MYO1D: variants seen among roughly 807,000 people sequenced by gnomAD.
MYO1D encodes the protein unconventional myosin-Id.
A neutral mutation model predicts 122.0 loss-of-function variants in MYO1D; 83 were observed. The observed-to-expected ratio is 0.68, with a 90% CI of 0.57 to 0.82. MYO1D has a LOEUF of 0.82. MYO1D is among the 40% of genes least tolerant of loss of function. The pLI, the probability that MYO1D is intolerant of heterozygous loss-of-function variation, is 0.00. For synonymous variants in MYO1D, 464 were observed against 446.9 expected, an observed-to-expected ratio of 1.04 and a Z score of -0.48; for missense variants, 1,157 against 1,269.5, an observed-to-expected ratio of 0.91 and a Z score of 1.35.
At chr17:32,677,799 A>G (rs1184314831) in intron 16 of MYO1D, among the ~76,000 whole-genome samples, 3 of 152,100 alleles carry the variant, frequency 2.0e-5, no homozygotes, top group Admixed American at 6.5e-5. Flanking sequence ...GAACACAAGC[A>G]TTAGGCTGCC....
chr17:32,564,837 T>G (rs1178944723), intron 21 of MYO1D, among the ~76,000 whole-genome samples: 1 of 152,196 alleles, frequency 6.6e-6, no homozygotes, highest in South Asian at 2.1e-4. Flanking sequence ...CCATCAGGCC[T>G]GTCTGCATTT....
intron 1 of MYO1D, among the ~76,000 whole-genome samples, chr17:32,812,894 A>G (rs2090584180): frequency 6.6e-6 from 1 of 152,240 alleles, no homozygotes; most frequent in African/African-American, 2.4e-5. Flanking sequence ...TGTATAGGCC[A>G]TTTAATTCTC....
intron 1 of MYO1D, chr17:32,830,238 G>A (rs1567662678): frequency 6.6e-6 from 1 of 152,212 alleles, no homozygotes; most frequent in Non-Finnish European, 1.5e-5. Flanking sequence ...GTCAAGTGCA[G>A]TAGTGAGAAG....
In MYO1D at chr17:32,760,275, T is replaced by C. The variant is rs1305781040; in HGVS notation, c.1296+15A>G. On this transcript the variant is annotated intron_variant, in intron 10 of 21. Coordinates refer to ENST00000318217, the MANE Select transcript of MYO1D (RefSeq NM_015194.3). ...GAGAAACACATGAAGGCATTTTCCA[T>C]AAGAGTCCACTCACATGTTTCCAGG... The C allele has an allele frequency of 6.3e-7, 1 of 1,575,782 alleles. No homozygotes were observed. Among genetic ancestry groups the C allele is most frequent in the Non-Finnish European group, 8.7e-7 (1 of 1,148,690 alleles).
At chr17:32,801,859 A>G (rs2090463980) in intron 1 of MYO1D, among the ~76,000 whole-genome samples, 1 of 151,898 alleles carries the variant, frequency 6.6e-6, no homozygotes, top group South Asian at 2.1e-4. Context: ...GAAATACAAG[A>G]TGAACCTGGA....
At chr17:32,740,980 C>T (rs2089765528) in intron 13 of MYO1D, among the ~76,000 whole-genome samples, 1 of 152,046 alleles carries the variant, frequency 6.6e-6, no homozygotes, top group Non-Finnish European at 1.5e-5. Flanking sequence ...CACAGACACA[C>T]ACAGACACAG....
intron 21 of MYO1D, among the ~76,000 whole-genome samples, chr17:32,504,113 A>C (rs1405805546): frequency 2.6e-5 from 4 of 152,154 alleles, no homozygotes; most frequent in African/African-American, 9.7e-5. Context: ...CTTGTCATGA[A>C]CCAACTGGGT....
intron 16 of MYO1D, among the ~76,000 whole-genome samples, chr17:32,667,014 G>A (rs926328266): frequency 3.3e-5 from 5 of 152,232 alleles, no homozygotes; most frequent in Admixed American, 6.5e-5. Flanking sequence ...ATTGAGATAA[G>A]TCTACATAAC....
intron 21 of MYO1D, among the ~76,000 whole-genome samples, chr17:32,503,632 C>T (rs916117226): frequency 4.6e-5 from 7 of 152,110 alleles, no homozygotes; most frequent in African/African-American, 1.4e-4. Flanking sequence ...CAGCCTTGCA[C>T]CAAGCAGAGA....
rs868735840 is a variant in MYO1D, at chr17:32,617,883, T to C, written c.2710-12642A>G. ...ATAAACAGACAGTCACTTTCAAAAA[T>C]TTTTTGTTATTATTTTAACACATCA... On this transcript the variant is annotated intron_variant, in intron 20 of 21. Transcript: ENST00000318217. Among the ~76,000 whole-genome samples, 150 of 152,330 alleles carry C rather than the reference T, an allele frequency of 9.8e-4. 2 individuals carry two copies. Among genetic ancestry groups the C allele is most frequent in the African/African-American group, 3.1e-3 (128 of 41,586 alleles).
At chr17:32,600,109 A>G (rs1202224873) in intron 21 of MYO1D, among the ~76,000 whole-genome samples, 2 of 152,248 alleles carry the variant, frequency 1.3e-5, no homozygotes, top group East Asian at 3.8e-4. Context: ...TGTACTGTCA[A>G]TGCATAGTAA....
intron 21 of MYO1D, among the ~76,000 whole-genome samples, chr17:32,548,619 C>T (rs1006853642): frequency 1.3e-5 from 2 of 151,952 alleles, no homozygotes; most frequent in Non-Finnish European, 2.9e-5. Context: ...TTTTCCAGTG[C>T]CAGTGGGAAG....
intron 11 of MYO1D, among the ~76,000 whole-genome samples, chr17:32,750,490 C>T (rs2089887711): frequency 6.6e-6 from 1 of 152,104 alleles, no homozygotes; most frequent in Non-Finnish European, 1.5e-5. Flanking sequence ...TGGCAGACGC[C>T]TGTAGTCCCA....
intron 16 of MYO1D, among the ~76,000 whole-genome samples, chr17:32,671,245 G>A (rs1296480950): frequency 2.6e-5 from 4 of 152,224 alleles, no homozygotes; most frequent in Non-Finnish European, 4.4e-5. Flanking sequence ...CATGGACCCT[G>A]CATGGAGCTT....
At chr17:32,535,929 A>G (rs1910650558) in intron 21 of MYO1D, among the ~76,000 whole-genome samples, 1 of 152,184 alleles carries the variant, frequency 6.6e-6, no homozygotes, top group African/African-American at 2.4e-5. Flanking sequence ...TCCTGCAGAG[A>G]GTGTTTGTAC....
intron 1 of MYO1D, among the ~76,000 whole-genome samples, chr17:32,866,916 G>A (rs1228590105): frequency 6.6e-6 from 1 of 152,122 alleles, no homozygotes; most frequent in Admixed American, 6.5e-5. Flanking sequence ...CTCTTCCATA[G>A]GGCATTTTTT....
chr17:32,864,143 A>G (rs540473142), intron 1 of MYO1D, among the ~76,000 whole-genome samples: 1 of 149,472 alleles, frequency 6.7e-6, no homozygotes, highest in African/African-American at 2.5e-5. Context: ...CCCAAATGAC[A>G]TATTCCTTGG....
intron 1 of MYO1D, among the ~76,000 whole-genome samples, chr17:32,815,879 T>C (rs1158852311): frequency 1.3e-5 from 2 of 152,236 alleles, no homozygotes; most frequent in East Asian, 3.8e-4. Context: ...TATTCTCTCA[T>C]ACAAATTAGT....
At chr17:32,867,580 T>C (rs1450743907) in intron 1 of MYO1D, among the ~76,000 whole-genome samples, 1 of 151,770 alleles carries the variant, frequency 6.6e-6, no homozygotes, top group African/African-American at 2.4e-5. Context: ...GCAGATCACC[T>C]GAGGTCAGGA....
Sources: gnomAD v4.1 joint callset for allele counts (sites outside exome capture counted in the v4.1 genomes callset) on GRCh38, gnomAD v4.1.1 for gene constraint, MANE v1.5 for transcripts, NCBI Gene and HGNC (gene_info 2026-07-23, HGNC 2026-07-21) for gene names.